The following NOS1AP variants were observed in gnomAD, a reference collection of about 807,000 sequenced individuals.
The protein encoded by NOS1AP is carboxyl-terminal PDZ ligand of neuronal nitric oxide synthase protein.
In NOS1AP, 21 loss-of-function variants were observed where a neutral mutation model predicts 56.2. That is an observed-to-expected ratio of 0.37 (90% CI 0.26 to 0.54). The LOEUF (loss-of-function observed/expected upper bound fraction) is 0.54. Among genes scored for constraint, NOS1AP ranks in the 20% least tolerant of loss-of-function variants. NOS1AP has a pLI of 0.84. For missense variants in NOS1AP, 522 were observed against 657.8 expected (o/e 0.79, Z 2.26); for synonymous variants, 270 against 274.6 (o/e 0.98, Z 0.17).
chr1:162,108,325 GAA>G (rs1647588806), intron 1 of NOS1AP, among the ~76,000 whole-genome samples: 1 of 152,118 alleles, frequency 6.6e-6, no homozygotes, highest in African/African-American at 2.4e-5. Context: ...GGTCAAGTTT[GAA>G]CATCATATTG....
At chr1:162,224,652 T>A (rs1033647140) in intron 2 of NOS1AP, among the ~76,000 whole-genome samples, 1 of 152,314 alleles carries the variant, frequency 6.6e-6, no homozygotes, top group East Asian at 1.9e-4. Flanking sequence ...TGAAAAATTG[T>A]ACTGAACAAG....
chr1:162,261,499 A>AGG lies in NOS1AP; in HGVS notation c.178-25844_178-25843insGG. ...GAGAGAGAGAGAGAGAGAGAGAGAG[A>AGG]GAGAGAGAGAGAGAGAGAGAGAGAG... On this transcript the variant is annotated intron_variant, in intron 2 of 9. Transcript: ENST00000361897. 8.2e-4 allele frequency among the ~76,000 whole-genome samples: 2 copies of AGG among 2,442 alleles called. 1 individual carries two copies. The highest frequency in any genetic ancestry group is 6.9e-3 in the East Asian group (2 of 288). The allele number at this position is 2,442 out of a possible 152,430, so 1.6% of individuals were successfully genotyped here.
chr1:162,248,125 A>C (rs1048273963), intron 2 of NOS1AP, among the ~76,000 whole-genome samples: 16 of 152,136 alleles, frequency 1.1e-4, no homozygotes, highest in Admixed American at 6.5e-5. Flanking sequence ...TCTAATATAT[A>C]TATATATAAA....
At chr1:162,091,968 G>A (rs1490696955) in intron 1 of NOS1AP, among the ~76,000 whole-genome samples, 2 of 152,116 alleles carry the variant, frequency 1.3e-5, no homozygotes, top group Non-Finnish European at 1.5e-5. Context: ...GAGTTGGAAG[G>A]GACCTCAGAG....
At chr1:162,275,140 A>C (rs1654696326) in intron 2 of NOS1AP, among the ~76,000 whole-genome samples, 1 of 152,108 alleles carries the variant, frequency 6.6e-6, no homozygotes, top group Non-Finnish European at 1.5e-5. Flanking sequence ...GTTCTATATA[A>C]ACCCAGGTCA....
chr1:162,199,742 A>T (rs183713706), intron 2 of NOS1AP, among the ~76,000 whole-genome samples: 1 of 152,232 alleles, frequency 6.6e-6, no homozygotes, highest in East Asian at 1.9e-4. Context: ...CTGGGATACA[A>T]TTTAGTGAAT....
At chr1:162,330,964 G>A (rs1656748975) in intron 4 of NOS1AP, among the ~76,000 whole-genome samples, 1 of 152,150 alleles carries the variant, frequency 6.6e-6, no homozygotes, top group Non-Finnish European at 1.5e-5. Flanking sequence ...AGTAGGTATG[G>A]TGTCCCCTTA....
At chr1:162,273,461 G>A (rs903251869) in intron 2 of NOS1AP, among the ~76,000 whole-genome samples, 2 of 152,148 alleles carry the variant, frequency 1.3e-5, no homozygotes, top group Admixed American at 6.5e-5. Flanking sequence ...CACCGCGCCC[G>A]GCCGAAGCCT....
chr1:162,090,426 C>G (rs1426317953), intron 1 of NOS1AP, among the ~76,000 whole-genome samples: 1 of 150,430 alleles, frequency 6.6e-6, no homozygotes, highest in East Asian at 1.9e-4. Context: ...TATTCTGAGT[C>G]AGTATTCTCA....
chr1:162,124,414 T>C (rs1648387299), intron 1 of NOS1AP, among the ~76,000 whole-genome samples: 1 of 152,182 alleles, frequency 6.6e-6, no homozygotes, highest in Admixed American at 6.5e-5. Flanking sequence ...TCAGTTAGAA[T>C]AATGGCCTCC....
chr1:162,290,672 C>G (rs929167895), intron 3 of NOS1AP, among the ~76,000 whole-genome samples: 1 of 152,174 alleles, frequency 6.6e-6, no homozygotes, highest in Non-Finnish European at 1.5e-5. Context: ...CTGACATTGC[C>G]CACTGATTCG....
chr1:162,247,466 G>C (rs1403532322), intron 2 of NOS1AP, among the ~76,000 whole-genome samples: 2 of 152,148 alleles, frequency 1.3e-5, no homozygotes, highest in Non-Finnish European at 2.9e-5. Flanking sequence ...CTGGAGCACT[G>C]TAGGCCCCAC....
chr1:162,287,604 G>A (rs1655129043), intron 3 of NOS1AP, among the ~76,000 whole-genome samples, 168 bp downstream of exon 3: 2 of 148,456 alleles, frequency 1.3e-5, no homozygotes, highest in South Asian at 4.3e-4. Context: ...AGTGTAGGGC[G>A]AGGCGAGGCC....
Position 162,296,732 on chromosome 1 carries a change from C to T in NOS1AP, c.271-3901C>T, listed in dbSNP as rs891167420. On this transcript the variant is annotated intron_variant, in intron 3 of 9. Transcript: ENST00000361897. ...ATTATTCTTTCCTTTTAATGAATGTCTTAGTTACATTCTATAGAATTGCTG... is the reference window on the plus strand; with the variant it reads ...ATTATTCTTTCCTTTTAATGAATGTTTTAGTTACATTCTATAGAATTGCTG... Among the ~76,000 whole-genome samples the T allele has an allele frequency of 2.0e-5, 3 of 152,288 alleles. No individual in the cohort carries two copies. In the South Asian group the frequency reaches 6.2e-4, roughly 32 times the overall value.
At chr1:162,284,619 ATT>A (rs1473357629) in intron 2 of NOS1AP, among the ~76,000 whole-genome samples, 2 of 152,240 alleles carry the variant, frequency 1.3e-5, no homozygotes, top group African/African-American at 4.8e-5. Context: ...TGTAAGAGCC[ATT>A]GGGAACTATG....
At chr1:162,171,133 T>C (rs1230326180) in intron 2 of NOS1AP, among the ~76,000 whole-genome samples, 1 of 152,024 alleles carries the variant, frequency 6.6e-6, no homozygotes, top group Non-Finnish European at 1.5e-5. Context: ...ACACTCAGCA[T>C]TGTTGCTGCA....
intron 8 of NOS1AP, among the ~76,000 whole-genome samples, chr1:162,362,234 T>A (rs1262502140): frequency 6.6e-6 from 1 of 152,102 alleles, no homozygotes; most frequent in Non-Finnish European, 1.5e-5. Flanking sequence ...GTGGATCACT[T>A]GAGGTCAGGA....
At chr1:162,309,544 C>T (rs953299198) in intron 4 of NOS1AP, among the ~76,000 whole-genome samples, 3 of 152,104 alleles carry the variant, frequency 2.0e-5, no homozygotes, top group Admixed American at 1.3e-4. Context: ...AGAAGAAATC[C>T]TGGGCAGCTT....
chr1:162,082,197 T>G (rs1371939864), intron 1 of NOS1AP, among the ~76,000 whole-genome samples: 1 of 152,156 alleles, frequency 6.6e-6, no homozygotes, highest in Non-Finnish European at 1.5e-5. Context: ...TATTTGTTTT[T>G]TTTTTGTTCC....
Sources: gnomAD v4.1 joint callset for allele counts (sites outside exome capture counted in the v4.1 genomes callset) on GRCh38, gnomAD v4.1.1 for gene constraint, MANE v1.5 for transcripts, NCBI Gene and HGNC (gene_info 2026-07-23, HGNC 2026-07-21) for gene names.